TIPRL: variants seen among roughly 807,000 people sequenced by gnomAD.
TIPRL encodes TOR signaling pathway regulator.
Under a neutral mutation model 32.3 loss-of-function variants are expected in TIPRL, and 10 were observed. That is an observed-to-expected ratio of 0.31 (90% CI 0.19 to 0.52). The LOEUF (loss-of-function observed/expected upper bound fraction) is 0.52. TIPRL is among the 20% of genes least tolerant of loss of function. The probability of loss-of-function intolerance (pLI) is 0.96; values close to 1 mark genes in which losing one functional copy is unlikely to be tolerated. For missense variants in TIPRL, 250 were observed against 328.1 expected (o/e 0.76, Z 1.84); for synonymous variants, 100 against 114.0 (o/e 0.88, Z 0.78).
intron 1 of TIPRL, 79 bp downstream of exon 1, chr1:168,179,260 C>A: frequency 7.8e-7 from 1 of 1,283,844 alleles, no homozygotes; most frequent in Non-Finnish European, 1.1e-6. Flanking sequence ...TCTGTGCAGC[C>A]CCTCCCCTTT....
At chr1:168,193,675 A>G (rs1279635559) in intron 4 of TIPRL, among the ~76,000 whole-genome samples, 2 of 152,222 alleles carry the variant, frequency 1.3e-5, no homozygotes, top group Non-Finnish European at 2.9e-5. Flanking sequence ...GGATATGTGT[A>G]TAAATATGTG....
At chr1:168,196,733 C>A in intron 5 of TIPRL, 91 bp downstream of exon 5, 1 of 878,768 alleles carries the variant, frequency 1.1e-6, no homozygotes. Context: ...ATTAAACAAT[C>A]TATATTATAT....
intron 5 of TIPRL, among the ~76,000 whole-genome samples, chr1:168,197,009 C>T (rs1171518578): frequency 6.6e-6 from 1 of 152,100 alleles, no homozygotes; most frequent in Non-Finnish European, 1.5e-5. Context: ...ACAGGAAGTA[C>T]ATTAATATAT....
At chr1:168,190,507 C>T (rs191146897) in intron 3 of TIPRL, among the ~76,000 whole-genome samples, 58 of 152,240 alleles carry the variant, frequency 3.8e-4, no homozygotes, top group Non-Finnish European at 7.1e-4. Context: ...CTAATTTTGT[C>T]CATGAGTCAA....
At chr1:168,199,078 C>G in intron 6 of TIPRL, 97 bp downstream of exon 6, 1 of 865,558 alleles carries the variant, frequency 1.2e-6, no homozygotes, top group Non-Finnish European at 1.8e-6. Flanking sequence ...AAGTTTACAT[C>G]CCTAAACCCA....
rs1302325427 is a variant in TIPRL, at chr1:168,200,619, A to G, written c.*573A>G. The G allele has an allele frequency of 1.3e-5, 2 of 152,136 alleles. No homozygotes were observed. The highest frequency in any genetic ancestry group is 4.8e-5 in the African/African-American group (2 of 41,442). The allele number at this position is 152,136 out of a possible 1,614,324, so 9.4% of individuals were successfully genotyped here. ...TTGCCTTTGAAATTTAAAAAAAAAA[A>G]ATTTAGACTTAGTACCAGAACCAAA... is the stretch of plus-strand genomic sequence containing the variant. On this transcript the variant is annotated 3_prime_UTR_variant, in exon 7 of 7. Transcript: ENST00000367833.
At chr1:168,192,625 G>A (rs540033460) in intron 4 of TIPRL, among the ~76,000 whole-genome samples, 27 of 152,208 alleles carry the variant, frequency 1.8e-4, no homozygotes, top group African/African-American at 4.1e-4. Flanking sequence ...TAGGCCGGGC[G>A]CGGTGGCCCA....
intron 1 of TIPRL, among the ~76,000 whole-genome samples, chr1:168,180,608 C>G (rs1265519362): frequency 1.3e-5 from 2 of 151,958 alleles, no homozygotes; most frequent in African/African-American, 2.4e-5. Flanking sequence ...AAGATTTGAG[C>G]AGAGGGAGTG....
At chr1:168,196,682 G>T in intron 5 of TIPRL, 40 bp downstream of exon 5, 2 of 1,394,288 alleles carry the variant, frequency 1.4e-6, no homozygotes, top group Non-Finnish European at 2.0e-6. Context: ...ATTGATACTG[G>T]GCTTGTTTGT....
At chr1:168,183,196 AT>A (rs1188306585) in intron 1 of TIPRL, among the ~76,000 whole-genome samples, 2 of 152,134 alleles carry the variant, frequency 1.3e-5, no homozygotes, top group African/African-American at 4.8e-5. Context: ...TTTGGTTTGC[AT>A]AATCATTTGT....
intron 1 of TIPRL, among the ~76,000 whole-genome samples, chr1:168,182,403 A>G (rs1202889042): frequency 6.6e-6 from 1 of 152,164 alleles, no homozygotes; most frequent in Non-Finnish European, 1.5e-5. Flanking sequence ...AGGCAGGTGG[A>G]TCACCTGAGG....
intron 3 of TIPRL, among the ~76,000 whole-genome samples, chr1:168,188,776 C>T (rs769223194): frequency 1.8e-4 from 28 of 151,940 alleles, no homozygotes; most frequent in Non-Finnish European, 3.2e-4. Context: ...GTCAGGAGTT[C>T]GAGACCAGCC....
chr1:168,192,789 G>A (rs1700114233), intron 4 of TIPRL, among the ~76,000 whole-genome samples: 1 of 152,188 alleles, frequency 6.6e-6, no homozygotes, highest in African/African-American at 2.4e-5. Context: ...GGGAGGCTGA[G>A]GCAGGAGAAT....
intron 4 of TIPRL, among the ~76,000 whole-genome samples, chr1:168,193,417 G>A (rs10159388): frequency 0.034 from 5,197 of 151,998 alleles, 298 homozygotes; most frequent in African/African-American, 0.12. Flanking sequence ...GTTTTCATAG[G>A]CTTTACTTCT....
intron 1 of TIPRL, 111 bp downstream of exon 1, chr1:168,179,292 C>T (rs1288965912): frequency 1.1e-6 from 1 of 871,586 alleles, no homozygotes; most frequent in Non-Finnish European, 1.8e-6. Context: ...GAGGTTCGGT[C>T]CCTCCGGACC....
intron 4 of TIPRL, among the ~76,000 whole-genome samples, chr1:168,191,944 T>C (rs924351298): frequency 1.3e-5 from 2 of 152,032 alleles, no homozygotes; most frequent in Admixed American, 6.6e-5. Flanking sequence ...GTGTATCTTA[T>C]TGAATATCCA....
At chr1:168,196,804 A>G (rs1700159552) in intron 5 of TIPRL, among the ~76,000 whole-genome samples, 162 bp downstream of exon 5, 1 of 152,222 alleles carries the variant, frequency 6.6e-6, no homozygotes, top group Non-Finnish European at 1.5e-5. Flanking sequence ...GCAGGCTATC[A>G]TCAAAACATT....
At position 168,200,317 on chromosome 1, in the gene TIPRL, ATG is replaced by A. The variant is rs758751580; in HGVS notation, c.*279_*280del. ...ACAAAGTGGGACCTCAGCAGTAGTG[ATG>A]TGTGTGTCTCATGAGCAGTGAGCAC... On this transcript the variant is annotated 3_prime_UTR_variant, in exon 7 of 7. Transcript: ENST00000367833. The A allele has an allele frequency of 3.0e-6, 1 of 329,982 alleles. No individual in the cohort carries two copies. Among genetic ancestry groups the A allele is most frequent in the Non-Finnish European group, 5.7e-6 (1 of 176,406 alleles). 20.4% of individuals were successfully genotyped at this position (329,982 alleles called of 1,614,324 possible).
At chr1:168,195,294 C>G (rs1421404663) in intron 4 of TIPRL, among the ~76,000 whole-genome samples, 1 of 152,202 alleles carries the variant, frequency 6.6e-6, no homozygotes, top group Admixed American at 6.5e-5. Flanking sequence ...CTGAAATTCT[C>G]CTTCCCATCT....
Sources: gnomAD v4.1 joint callset for allele counts (sites outside exome capture counted in the v4.1 genomes callset) on GRCh38, gnomAD v4.1.1 for gene constraint, MANE v1.5 for transcripts, NCBI Gene and HGNC (gene_info 2026-07-23, HGNC 2026-07-21) for gene names.